CNTN5: variants seen among roughly 807,000 people sequenced by gnomAD.
CNTN5 encodes the protein contactin-5.
In CNTN5, 77 loss-of-function variants were observed where a neutral mutation model predicts 129.1. The ratio of observed to expected loss-of-function variants is 0.60; its 90% CI spans 0.50 to 0.72. The LOEUF is 0.72. CNTN5 is among the 30% of genes least tolerant of loss of function. The probability of loss-of-function intolerance (pLI) is 0.00; values close to 1 mark genes in which losing one functional copy is unlikely to be tolerated. For synonymous variants in CNTN5, 509 were observed against 465.6 expected (o/e 1.09, Z -1.20); for missense variants, 1,478 against 1,328.8 (o/e 1.11, Z -1.75).
At chr11:99,239,721 G>C (rs943111769) in intron 1 of CNTN5, among the ~76,000 whole-genome samples, 6 of 152,062 alleles carry the variant, frequency 3.9e-5, no homozygotes, top group Admixed American at 1.3e-4. Context: ...GGATCACGAG[G>C]TCAGCAGATC....
At position 100,072,990 on chromosome 11, in the gene CNTN5, CAAAAAAAAAAA is replaced by C. The variant is rs61042118; in HGVS notation, c.1430-1143_1430-1133del. ...TTTTGTAAATTCTATTCCCAGGAGG[CAAAAAAAAAAA>C]AAAAAAAAAAGTTACTTGCAACTAT... On this transcript the variant is annotated intron_variant, in intron 12 of 24. Transcript: ENST00000524871. 8.9e-5 allele frequency among the ~76,000 whole-genome samples: 7 copies of C among 79,076 alleles called. 1 individual carries two copies. The Admixed American group carries it at 8.9e-4, about 10-fold the overall frequency. The allele number at this position is 79,076 out of a possible 152,430, so 51.9% of individuals were successfully genotyped here.
At chr11:100,279,946 G>T in intron 18 of CNTN5, among the ~76,000 whole-genome samples, 1 of 142,060 alleles carries the variant, frequency 7.0e-6, no homozygotes, top group African/African-American at 2.6e-5. Context: ...GGCACTTATA[G>T]CTATGAAGTT....
intron 1 of CNTN5, among the ~76,000 whole-genome samples, chr11:99,065,977 T>C (rs1248941948): frequency 6.7e-6 from 1 of 148,462 alleles, no homozygotes; most frequent in African/African-American, 2.5e-5. Flanking sequence ...CATTCTCATC[T>C]GCTCATTAGT....
chr11:99,629,962 T>G (rs1426910817), intron 3 of CNTN5, among the ~76,000 whole-genome samples: 2 of 151,840 alleles, frequency 1.3e-5, no homozygotes, highest in Non-Finnish European at 2.9e-5. Flanking sequence ...TTCCAATAGA[T>G]ATATCCAAAT....
intron 2 of CNTN5, among the ~76,000 whole-genome samples, chr11:99,381,127 TA>T (rs2136159394): frequency 6.8e-6 from 1 of 147,508 alleles, no homozygotes; most frequent in East Asian, 2.0e-4. Flanking sequence ...TACCAGCAAA[TA>T]AAAAAATTTC....
intron 1 of CNTN5, among the ~76,000 whole-genome samples, chr11:99,024,651 C>T (rs1863031193): frequency 6.6e-6 from 1 of 151,958 alleles, no homozygotes; most frequent in Non-Finnish European, 1.5e-5. Context: ...ACATTATACC[C>T]TCCTCAAACA....
At chr11:99,687,186 G>T (rs529669776) in intron 3 of CNTN5, among the ~76,000 whole-genome samples, 4 of 152,014 alleles carry the variant, frequency 2.6e-5, no homozygotes, top group Admixed American at 2.6e-4. Flanking sequence ...ATTTAGTTGG[G>T]TATTATAACA....
intron 2 of CNTN5, among the ~76,000 whole-genome samples, chr11:99,402,398 G>T (rs6590092): frequency 1.1e-4 from 16 of 152,330 alleles, no homozygotes; most frequent in Non-Finnish European, 1.8e-4. Context: ...GTTGAACTAT[G>T]TTTGCATCCC....
chr11:99,610,957 C>G (rs929497475), intron 3 of CNTN5, among the ~76,000 whole-genome samples: 2 of 152,142 alleles, frequency 1.3e-5, no homozygotes, highest in Non-Finnish European at 2.9e-5. Context: ...CCCAAGTACG[C>G]GTGCACACCA....
At chr11:99,504,174 T>C (rs956619514) in intron 2 of CNTN5, among the ~76,000 whole-genome samples, 7 of 152,204 alleles carry the variant, frequency 4.6e-5, no homozygotes, top group Admixed American at 1.3e-4. Flanking sequence ...AGAGTTTTGA[T>C]GTAAACTAAT....
Position 99,591,394 on chromosome 11 carries a change from G to A in CNTN5, c.55+35125G>A, listed in dbSNP as rs534365688. On this transcript the variant is annotated intron_variant, in intron 3 of 24. Transcript: ENST00000524871. The stretch of plus-strand genomic sequence containing the variant: ...GCTCTGTCGCCCAGGCTGGAGTGCA[G>A]TGGCGTGATCTTGGCTCACTGAAAC... Among the ~76,000 whole-genome samples, 5 of 142,690 alleles carry A rather than the reference G, an allele frequency of 3.5e-5. No homozygotes were observed. The South Asian group carries it at 1.1e-3, about 32-fold the overall frequency. 93.6% of individuals were successfully genotyped at this position (142,690 alleles called of 152,430 possible).
At chr11:99,704,874 T>C (rs1426050138) in intron 3 of CNTN5, among the ~76,000 whole-genome samples, 3 of 151,436 alleles carry the variant, frequency 2.0e-5, no homozygotes, top group South Asian at 2.1e-4. Context: ...TCCCAGAAGA[T>C]AGCATGTTTA....
intron 2 of CNTN5, among the ~76,000 whole-genome samples, chr11:99,330,605 G>T (rs1196970069): frequency 6.6e-6 from 1 of 152,056 alleles, no homozygotes; most frequent in Non-Finnish European, 1.5e-5. Context: ...ATGATGAGGT[G>T]CCACTCAATG....
At chr11:99,601,208 T>C (rs1156851003) in intron 3 of CNTN5, among the ~76,000 whole-genome samples, 1 of 152,232 alleles carries the variant, frequency 6.6e-6, no homozygotes, top group Non-Finnish European at 1.5e-5. Flanking sequence ...ATTTAATCTT[T>C]ACTCAAGATG....
chr11:99,022,597 G>A (rs935119148), intron 1 of CNTN5, among the ~76,000 whole-genome samples: 3 of 151,898 alleles, frequency 2.0e-5, no homozygotes, highest in Admixed American at 6.6e-5. Context: ...TCGAAAAGAG[G>A]TATGAGTAAG....
chr11:99,725,203 C>T (rs1468086256), intron 3 of CNTN5, among the ~76,000 whole-genome samples: 3 of 152,122 alleles, frequency 2.0e-5, no homozygotes, highest in Non-Finnish European at 4.4e-5. Context: ...TTCAGACTTA[C>T]ATGAGATGCA....
chr11:99,796,523 G>T (rs1316640129), intron 3 of CNTN5, among the ~76,000 whole-genome samples: 1 of 152,066 alleles, frequency 6.6e-6, no homozygotes, highest in African/African-American at 2.4e-5. Context: ...CGATGGTCAG[G>T]TGCAGTCTGC....
chr11:99,132,463 T>A lies in CNTN5; in HGVS notation c.-210+111193T>A, dbSNP rs36027030. 5.9e-3 allele frequency among the ~76,000 whole-genome samples: 904 copies of A among 152,262 alleles called. 6 individuals carry two copies. Among genetic ancestry groups the A allele is most frequent in the Non-Finnish European group, 9.5e-3 (643 of 68,020 alleles). ...TAAATAGGAAGAGAGGAAGTTAAAT[T>A]GTCTTTGTTTGCAGATGACATGATC... is the stretch of plus-strand genomic sequence containing the variant. On this transcript the variant is annotated intron_variant, in intron 1 of 24. Coordinates refer to ENST00000524871, the MANE Select transcript of CNTN5 (RefSeq NM_014361.4).
chr11:99,165,481 G>A (rs1023900288), intron 1 of CNTN5, among the ~76,000 whole-genome samples: 1 of 152,100 alleles, frequency 6.6e-6, no homozygotes, highest in African/African-American at 2.4e-5. Flanking sequence ...TGTAAATACA[G>A]TGTTTCCCAG....
Sources: allele counts gnomAD v4.1 joint callset (sites outside exome capture counted in the v4.1 genomes callset), GRCh38; gene constraint gnomAD v4.1.1; transcripts MANE v1.5; gene names NCBI Gene and HGNC (gene_info 2026-07-23, HGNC 2026-07-21).